Variants in TDRD5 observed in about 807,000 individuals in gnomAD.
TDRD5 encodes tudor domain containing 5.
A neutral mutation model predicts 120.6 loss-of-function variants in TDRD5; 41 were observed. The observed-to-expected ratio is 0.34, with a 90% CI of 0.26 to 0.44. TDRD5 has a LOEUF of 0.44. Among genes scored for constraint, TDRD5 ranks in the 20% least tolerant of loss-of-function variants. The pLI, the probability that TDRD5 is intolerant of heterozygous loss-of-function variation, is 1.00. For missense variants in TDRD5, 1,006 were observed against 1,221.2 expected, an observed-to-expected ratio of 0.82 and a Z score of 2.63; for synonymous variants, 430 against 433.7, an observed-to-expected ratio of 0.99 and a Z score of 0.11.
Position 179,691,053 on chromosome 1 carries a change from CTT to C in TDRD5, c.*113_*114del. On this transcript the variant is annotated 3_prime_UTR_variant, in exon 18 of 18. Coordinates refer to ENST00000444136, the MANE Select transcript of TDRD5 (RefSeq NM_001199085.3). The stretch of plus-strand genomic sequence containing the variant: ...CAAAATAGTATCTTGATCATTGATA[CTT>C]TTGTCTTTCTGTGACTATATGTTAG... The C allele has an allele frequency of 7.1e-7, 1 of 1,407,162 alleles. No individual in the cohort carries two copies. Among genetic ancestry groups the C allele is most frequent in the Non-Finnish European group, 9.4e-7 (1 of 1,068,740 alleles). The allele number at this position is 1,407,162 out of a possible 1,614,324, so 87.2% of individuals were successfully genotyped here.
At chr1:179,651,221 A>G (rs966193540) in intron 12 of TDRD5, among the ~76,000 whole-genome samples, 154 bp downstream of exon 12, 1 of 152,232 alleles carries the variant, frequency 6.6e-6, no homozygotes, top group Non-Finnish European at 1.5e-5. Flanking sequence ...AGCACTCTTA[A>G]TTTTCAGATG....
chr1:179,666,164 T>C (rs1679544115), intron 16 of TDRD5, among the ~76,000 whole-genome samples: 1 of 152,234 alleles, frequency 6.6e-6, no homozygotes, highest in African/African-American at 2.4e-5. Context: ...TAAGATATCC[T>C]TGCCTCTTCT....
chr1:179,656,754 A>C (rs771709420), intron 14 of TDRD5, among the ~76,000 whole-genome samples: 5 of 152,166 alleles, frequency 3.3e-5, no homozygotes, highest in Admixed American at 6.5e-5. Context: ...AGTACCTCTT[A>C]AAATCAGGTA....
rs1381589918 is a variant in TDRD5, at chr1:179,669,196, A to G, written c.2652A>G (p.Gln884=). The G allele has an allele frequency of 6.2e-7, 1 of 1,611,846 alleles. No homozygotes were observed. The highest frequency in any genetic ancestry group is 2.2e-5 in the East Asian group (1 of 44,852). Residue 884 remains glutamine (Q), a splice_region_variant and synonymous_variant, in exon 17 of 18, where the codon CAA becomes CAG. Transcript: ENST00000444136. The stretch of plus-strand genomic sequence containing the variant: ...GCCCCATTTTTCCCATTCTGCAGCA[A>G]CTAGACATAAATGGTTCTTCAGATT... ...KNTGTNRTQK[Q]LDINGSSDSS...
intron 17 of TDRD5, among the ~76,000 whole-genome samples, chr1:179,685,925 A>G (rs574393316): frequency 6.4e-4 from 97 of 152,122 alleles, no homozygotes; most frequent in Non-Finnish European, 1.2e-3. Context: ...TTGCTTATCA[A>G]CTTAAGGAGA....
chr1:179,622,226 T>C (rs1676880414), intron 6 of TDRD5, among the ~76,000 whole-genome samples: 1 of 152,136 alleles, frequency 6.6e-6, no homozygotes, highest in Non-Finnish European at 1.5e-5. Context: ...CTTTTAAGGC[T>C]AAAAGAACTG....
At chr1:179,604,888 T>G (rs1289975519) in intron 4 of TDRD5, among the ~76,000 whole-genome samples, 1 of 152,170 alleles carries the variant, frequency 6.6e-6, no homozygotes, top group African/African-American at 2.4e-5. Flanking sequence ...ATCTGTTAAG[T>G]CCATTTGTTC....
At chr1:179,597,622 G>T (rs559762788) in intron 4 of TDRD5, among the ~76,000 whole-genome samples, 10 of 152,022 alleles carry the variant, frequency 6.6e-5, no homozygotes, top group Non-Finnish European at 1.5e-4. Flanking sequence ...GAGCCACCAC[G>T]CCTGGCCCAT....
intron 7 of TDRD5, among the ~76,000 whole-genome samples, chr1:179,632,606 CTT>C (rs879311747): frequency 6.6e-6 from 1 of 152,002 alleles, no homozygotes; most frequent in Non-Finnish European, 1.5e-5. Flanking sequence ...ATAGATAGAT[CTT>C]TTTTTTTAAT....
At chr1:179,662,583 G>T (rs1345106707) in intron 15 of TDRD5, among the ~76,000 whole-genome samples, 2 of 151,942 alleles carry the variant, frequency 1.3e-5, no homozygotes, top group Non-Finnish European at 2.9e-5. Context: ...GGGTGACAGA[G>T]TAAGACCCTA....
intron 6 of TDRD5, among the ~76,000 whole-genome samples, chr1:179,625,724 C>T (rs1057085075): frequency 6.6e-6 from 1 of 152,098 alleles, no homozygotes; most frequent in Admixed American, 6.6e-5. Flanking sequence ...TACATTATAG[C>T]CTCCCAAAAC....
Position 179,630,800 on chromosome 1 carries a change from T to A in TDRD5, c.1006T>A (p.Leu336Ile). ...TAAAGAGCAACTATCACCAAAAAAATTAGGCTTCTTAAATGTGACAGAACT... is the reference window on the plus strand; with the variant it reads ...TAAAGAGCAACTATCACCAAAAAAAATAGGCTTCTTAAATGTGACAGAACT... Reference protein sequence around the residue: ...IFKEQLSPKKLGFLNVTELVG... With the variant: ...IFKEQLSPKKIGFLNVTELVG... Residue 336 changes from leucine (L) to isoleucine (I), a missense_variant, in exon 7 of 18, where the codon TTA becomes ATA. Physicochemically the swap from Leu to Ile is conservative, Grantham distance 5. Around this residue, in one of 3 missense-constraint regions of TDRD5, gnomAD observed 445 missense variants for 515.5 expected, o/e 0.86. Transcript: ENST00000444136. 3 of 1,613,616 alleles carry A rather than the reference T, an allele frequency of 1.9e-6. No individual in the cohort carries two copies. The highest frequency in any genetic ancestry group is 2.5e-6 in the Non-Finnish European group (3 of 1,179,884).
chr1:179,666,102 G>GTAC (rs1679541864), intron 16 of TDRD5, among the ~76,000 whole-genome samples: 5 of 152,200 alleles, frequency 3.3e-5, no homozygotes, highest in African/African-American at 1.2e-4. Flanking sequence ...AATTATGAAA[G>GTAC]TACTACATAT....
intron 2 of TDRD5, 129 bp downstream of exon 2, chr1:179,592,976 T>C: frequency 1.0e-6 from 1 of 960,488 alleles, no homozygotes; most frequent in Non-Finnish European, 1.5e-6. Flanking sequence ...GGAGGGAGAC[T>C]CATAGGTGCT....
At chr1:179,600,478 T>A (rs1675647016) in intron 4 of TDRD5, among the ~76,000 whole-genome samples, 1 of 152,214 alleles carries the variant, frequency 6.6e-6, no homozygotes, top group African/African-American at 2.4e-5. Context: ...ACCATCTAGG[T>A]CTGTGTTACG....
In TDRD5 at chr1:179,634,497, C is replaced by G. The variant is rs150852125; in HGVS notation, c.1167C>G (p.Ser389=). 6.2e-7 allele frequency: 1 copy of G among 1,609,650 alleles called. No individual in the cohort carries two copies. The change falls in exon 8 of 18, where the codon TCC becomes TCG. Residue 389 remains serine, a synonymous_variant. Transcript: ENST00000444136. ...DKKIEAKACV[S]SPPRNSLSTA... ...AAATAGAAGCCAAAGCTTGTGTCTC[C>G]AGTCCACCTAGAAATTCATTGTCTA...
chr1:179,642,452 A>G (rs1218728963), intron 11 of TDRD5, among the ~76,000 whole-genome samples: 1 of 152,162 alleles, frequency 6.6e-6, no homozygotes, highest in Non-Finnish European at 1.5e-5. Flanking sequence ...TGCACATTCT[A>G]ATAACTGGAA....
intron 4 of TDRD5, among the ~76,000 whole-genome samples, chr1:179,605,218 G>T (rs921955798): frequency 6.6e-6 from 1 of 152,090 alleles, no homozygotes; most frequent in Admixed American, 6.6e-5. Context: ...GTGTCCATTT[G>T]CATGAAATGC....
rs1553332466 is a variant in TDRD5, at chr1:179,659,590, TGCGC to T, written c.2323-2509_2323-2506del. Among the ~76,000 whole-genome samples the T allele has an allele frequency of 4.9e-4, 33 of 67,164 alleles. 2 individuals are homozygous for T. The highest frequency in any genetic ancestry group is 1.3e-3 in the African/African-American group (33 of 24,510). The allele number at this position is 67,164 out of a possible 152,430, so 44.1% of individuals were successfully genotyped here. A position where few individuals can be genotyped will look rare whatever the true frequency, so the allele number is the denominator to read the frequency against. On this transcript the variant is annotated intron_variant, in intron 14 of 17. Transcript: ENST00000444136. ...GTGTGTGTGTGTGTGTGTGTGTGTGTGCGCGCGCTTGCCTGGTATATTTTTTTCC... is the reference window on the plus strand; with the variant it reads ...GTGTGTGTGTGTGTGTGTGTGTGTGTGCGCTTGCCTGGTATATTTTTTTCC...
Sources: gnomAD v4.1 joint callset for allele counts (sites outside exome capture counted in the v4.1 genomes callset) on GRCh38, gnomAD v4.1.1 for gene constraint, gnomAD v4.1.1 regional missense constraint, MANE v1.5 for transcripts, NCBI Gene and HGNC (gene_info 2026-07-23, HGNC 2026-07-21) for gene names.